The following PRKCZ variants were observed in gnomAD, a reference collection of about 807,000 sequenced individuals.
The protein encoded by PRKCZ is protein kinase C zeta.
Under a neutral mutation model 79.5 loss-of-function variants are expected in PRKCZ, and 33 were observed. That is an observed-to-expected ratio of 0.41 (90% CI 0.31 to 0.55). The LOEUF is 0.55. Among genes scored for constraint, PRKCZ ranks in the 20% least tolerant of loss-of-function variants. The pLI is 0.19. For synonymous variants in PRKCZ, 342 were observed against 320.9 expected, an observed-to-expected ratio of 1.07 and a Z score of -0.70; for missense variants, 578 against 813.5, an observed-to-expected ratio of 0.71 and a Z score of 3.52.
intron 1 of PRKCZ, among the ~76,000 whole-genome samples, chr1:2,052,243 A>G (rs1260801997): frequency 6.6e-6 from 1 of 152,070 alleles, no homozygotes; most frequent in Non-Finnish European, 1.5e-5. Flanking sequence ...GCTCGGAGGC[A>G]ATGCCACTGG....
chr1:2,167,634 T>G (rs1271037941), intron 10 of PRKCZ, among the ~76,000 whole-genome samples: 1 of 152,144 alleles, frequency 6.6e-6, no homozygotes, highest in Non-Finnish European at 1.5e-5. Flanking sequence ...GACAGAGTCT[T>G]GCTCTGTCGC....
chr1:2,137,004 G>A (rs916871596), intron 5 of PRKCZ, among the ~76,000 whole-genome samples: 4 of 152,270 alleles, frequency 2.6e-5, no homozygotes, highest in South Asian at 2.1e-4. Flanking sequence ...GAAGTCTTAC[G>A]ATAGGCCAGC....
At chr1:2,144,375 CG>C (rs1557669339) in intron 6 of PRKCZ, 34 bp downstream of exon 6, 6 of 1,548,628 alleles carry the variant, frequency 3.9e-6, no homozygotes, top group Non-Finnish European at 5.2e-6. Context: ...CCGGGGGGCA[CG>C]GGCGGGGTCG....
chr1:2,155,900 G>A (rs948693136), intron 9 of PRKCZ, 95 bp from the exon 10 acceptor site: 33 of 1,046,604 alleles, frequency 3.2e-5, no homozygotes, highest in South Asian at 2.5e-5. Flanking sequence ...TCCTGAAAGC[G>A]GAGGAAAGAG....
At chr1:2,056,091 C>T (rs751597940) in intron 2 of PRKCZ, among the ~76,000 whole-genome samples, 2 of 152,234 alleles carry the variant, frequency 1.3e-5, no homozygotes, top group Admixed American at 6.5e-5. Flanking sequence ...ATAGCGCCCC[C>T]GTTGGGTTGG....
In PRKCZ at chr1:2,150,901, C is replaced by T. The variant is rs1308597486; in HGVS notation, c.799C>T (p.Leu267Phe). The T allele has an allele frequency of 1.6e-5, 26 of 1,614,072 alleles. No individual in the cohort carries two copies. The highest frequency in any genetic ancestry group is 2.2e-5 in the Non-Finnish European group (26 of 1,180,050). Residue 267 changes from leucine (L) to phenylalanine (F), a missense_variant, in exon 9 of 18, where the codon CTC becomes TTC. By Grantham distance (22) the Leu-to-Phe change is conservative (BLOSUM62 0). Transcript: ENST00000378567. ...CGGGCGCGGGAGCTACGCCAAGGTT[C>T]TCCTGGTGCGGTTGAAGAAGAATGA... ...VIGRGSYAKVLLVRLKKNDQI... is the reference protein window; with the variant it reads ...VIGRGSYAKVFLVRLKKNDQI...
Position 2,173,802 on chromosome 1 carries a change from C to T in PRKCZ, c.1286-95C>T, listed in dbSNP as rs528831217. The T allele has an allele frequency of 6.1e-6, 9 of 1,484,694 alleles. No homozygotes were observed. Among genetic ancestry groups the T allele is most frequent in the African/African-American group, 1.4e-5 (1 of 70,504 alleles). The allele number at this position is 1,484,694 out of a possible 1,614,324, so 92.0% of individuals were successfully genotyped here. A position where few individuals can be genotyped will look rare whatever the true frequency, so the allele number is the denominator to read the frequency against. Reference sequence around the variant, plus strand: ...CGCCTGCTCAAGCCTGGCTCACACTCGTGTCAACTGGGCATGAAAACCAAC... The same window carrying T: ...CGCCTGCTCAAGCCTGGCTCACACTTGTGTCAACTGGGCATGAAAACCAAC... On this transcript the variant is annotated intron_variant, in intron 13 of 17. Coordinates refer to ENST00000378567, the MANE Select transcript of PRKCZ (RefSeq NM_002744.6). The surrounding 1 kb of genome is among the most constrained non-coding windows in gnomAD (Gnocchi z 5.7).
At position 2,178,061 on chromosome 1, in the gene PRKCZ, A is replaced by G. The variant is rs559813395; in HGVS notation, c.1575+2748A>G. Among the ~76,000 whole-genome samples, 1 of 152,288 alleles carries G rather than the reference A, an allele frequency of 6.6e-6. No individual in the cohort carries two copies. Among genetic ancestry groups the G allele is most frequent in the South Asian group, 2.1e-4 (1 of 4,830 alleles). ...TTGGTGTGGGGTCACCACCACCCCC[A>G]TGTGACCTTGGCAGAAGGAAGGTCC... On this transcript the variant is annotated intron_variant, in intron 16 of 17. Coordinates refer to ENST00000378567, the MANE Select transcript of PRKCZ (RefSeq NM_002744.6). The surrounding 1 kb of genome is among the most constrained non-coding windows in gnomAD (Gnocchi z 4.3).
In PRKCZ at chr1:2,095,422, G is replaced by T. The variant is rs117110349; in HGVS notation, c.334+35831G>T. On this transcript the variant is annotated intron_variant, in intron 4 of 17. Transcript: ENST00000378567. ...GCATTGGTGGAGGAGGCCACAACCGGTGCCCAGTGGTTGAGTCGCTGGTGC... is the reference window on the plus strand; with the variant it reads ...GCATTGGTGGAGGAGGCCACAACCGTTGCCCAGTGGTTGAGTCGCTGGTGC... Among the ~76,000 whole-genome samples, 448 of 152,264 alleles carry T rather than the reference G, an allele frequency of 2.9e-3. 9 individuals are homozygous for T. The East Asian group carries it at 0.045, about 15-fold the overall frequency.
chr1:2,121,526 GGCA>G lies in PRKCZ; in HGVS notation c.335-13734_335-13732del, dbSNP rs1451655021. Among the ~76,000 whole-genome samples, 1,057 of 130,984 alleles carry G rather than the reference GGCA, an allele frequency of 8.1e-3. 4 individuals carry two copies. Among genetic ancestry groups the G allele is most frequent in the Non-Finnish European group, 0.012 (664 of 56,714 alleles). 85.9% of individuals were successfully genotyped at this position (130,984 alleles called of 152,430 possible). ...GGATCATGGTGGTACTTAAGGTCAT[GGCA>G]GTAGTTAGGGTTATATCAGTAGTTA... On this transcript the variant is annotated intron_variant, in intron 4 of 17. Coordinates refer to ENST00000378567, the MANE Select transcript of PRKCZ (RefSeq NM_002744.6).
At chr1:2,132,460 A>AT (rs1675180943) in intron 4 of PRKCZ, among the ~76,000 whole-genome samples, 1 of 152,078 alleles carries the variant, frequency 6.6e-6, no homozygotes, top group Admixed American at 6.5e-5. Flanking sequence ...AGAATAAGCC[A>AT]TTTCTCCGGG....
intron 3 of PRKCZ, 31 bp downstream of exon 3, chr1:2,056,604 T>G: frequency 1.9e-6 from 3 of 1,588,744 alleles, no homozygotes; most frequent in South Asian, 1.1e-5. Context: ...TGGGCAGCTC[T>G]GGGGGGCTGT....
intron 4 of PRKCZ, among the ~76,000 whole-genome samples, chr1:2,088,759 A>G (rs1664969858): frequency 6.6e-6 from 1 of 152,210 alleles, no homozygotes; most frequent in Non-Finnish European, 1.5e-5. Context: ...CTTCACTCAC[A>G]GACTCCAGCT....
intron 4 of PRKCZ, among the ~76,000 whole-genome samples, chr1:2,087,274 G>C (rs1664690347): frequency 6.6e-6 from 1 of 151,950 alleles, no homozygotes; most frequent in Non-Finnish European, 1.5e-5. Context: ...GTAGAGACGG[G>C]GTGTCACCAT....
Position 2,055,481 on chromosome 1 carries a change from G to GA in PRKCZ, c.113dup (p.Glu39GlyfsTer4). On this transcript the variant is annotated frameshift_variant, in exon 2 of 18. Coordinates refer to ENST00000378567, the MANE Select transcript of PRKCZ (RefSeq NM_002744.6). LOFTEE classifies it high-confidence loss of function. ...CAGCGTGGACGCCGCCACGACCTTC[G>GA]AGGAGCTCTGTGAGGAAGTGAGAGA... 1 of 1,613,952 alleles carries GA rather than the reference G, an allele frequency of 6.2e-7. No homozygotes were observed. The highest frequency in any genetic ancestry group is 8.5e-7 in the Non-Finnish European group (1 of 1,179,976).
rs1039322323 is a variant in PRKCZ at position 2,127,833 on chromosome 1, T to C, written c.335-7429T>C. ...CAATGGCCAACCAGGCTGAGTCAGG[T>C]GAGGTGGGGAGTCCCACCCCAAACC... On this transcript the variant is annotated intron_variant, in intron 4 of 17. Coordinates refer to ENST00000378567, the MANE Select transcript of PRKCZ (RefSeq NM_002744.6). This position sits in a 1 kb window ranked among gnomAD's most constrained non-coding sequence, Gnocchi z 5.1. Among the ~76,000 whole-genome samples the C allele has an allele frequency of 1.7e-4, 26 of 152,282 alleles. No homozygotes were observed. The highest frequency in any genetic ancestry group is 6.0e-4 in the African/African-American group (25 of 41,566).
intron 4 of PRKCZ, among the ~76,000 whole-genome samples, chr1:2,107,243 T>G (rs1218335236): frequency 6.6e-6 from 1 of 152,230 alleles, no homozygotes; most frequent in Admixed American, 6.5e-5. Context: ...CGTGGCTGTG[T>G]GGGCTCCTGT....
intron 5 of PRKCZ, among the ~76,000 whole-genome samples, chr1:2,136,946 C>T (rs1018631613): frequency 4.6e-5 from 7 of 152,136 alleles, no homozygotes; most frequent in Non-Finnish European, 2.9e-5. Context: ...GATGCATGTA[C>T]ATGAAAGGGA....
intron 4 of PRKCZ, among the ~76,000 whole-genome samples, chr1:2,134,499 T>G (rs1489365352): frequency 6.6e-6 from 1 of 152,180 alleles, no homozygotes; most frequent in Non-Finnish European, 1.5e-5. Flanking sequence ...GGACACGGTG[T>G]TGAGGAAGGA....
Sources: gnomAD v4.1 joint callset for allele counts (sites outside exome capture counted in the v4.1 genomes callset) on GRCh38, gnomAD v4.1.1 for gene constraint, Gnocchi (gnomAD v3.1) non-coding constraint, MANE v1.5 for transcripts, NCBI Gene and HGNC (gene_info 2026-07-23, HGNC 2026-07-21) for gene names.